PTPRT: variants seen among roughly 807,000 people sequenced by gnomAD.
PTPRT encodes protein tyrosine phosphatase receptor type T.
In PTPRT, 56 loss-of-function variants were observed where a neutral mutation model predicts 176.8. The ratio of observed to expected loss-of-function variants is 0.32; its 90% confidence interval spans 0.26 to 0.40. PTPRT has a LOEUF of 0.40. Ranked by LOEUF, PTPRT falls within the 10% of genes least tolerant of loss-of-function variation. The pLI, the probability that PTPRT is intolerant of heterozygous loss-of-function variation, is 1.00. For synonymous variants in PTPRT, 783 were observed against 739.0 expected (o/e 1.06, Z -0.96); for missense variants, 1,540 against 1,908.2 (o/e 0.81, Z 3.60).
chr20:42,359,784 G>A (rs1407427333), intron 9 of PTPRT, among the ~76,000 whole-genome samples: 4 of 152,342 alleles, frequency 2.6e-5, no homozygotes, highest in South Asian at 4.1e-4. Flanking sequence ...TGGCTGTGCC[G>A]GGGCCTGCCC....
chr20:42,398,476 A>T (rs938692712), intron 9 of PTPRT, among the ~76,000 whole-genome samples: 1 of 152,238 alleles, frequency 6.6e-6, no homozygotes, highest in Non-Finnish European at 1.5e-5. Context: ...GGAGTACTAT[A>T]TCGTCATTAA....
intron 2 of PTPRT, among the ~76,000 whole-genome samples, chr20:42,800,128 G>C (rs1006977738): frequency 1.3e-5 from 2 of 152,188 alleles, no homozygotes; most frequent in Non-Finnish European, 2.9e-5. Flanking sequence ...TCAACCCTAT[G>C]AGGTAGTGAC....
intron 16 of PTPRT, among the ~76,000 whole-genome samples, chr20:42,188,751 G>C (rs1010384451): frequency 6.6e-6 from 1 of 152,102 alleles, no homozygotes; most frequent in Non-Finnish European, 1.5e-5. Flanking sequence ...TATAATTCAA[G>C]ACCACCTGTG....
intron 1 of PTPRT, among the ~76,000 whole-genome samples, chr20:42,889,203 C>T (rs2079151552): frequency 6.6e-6 from 1 of 152,200 alleles, no homozygotes; most frequent in Non-Finnish European, 1.5e-5. Context: ...ACTCACTGAA[C>T]CACCTTGCTT....
At chr20:42,262,941 T>C (rs1427686591) in intron 13 of PTPRT, among the ~76,000 whole-genome samples, 2 of 152,174 alleles carry the variant, frequency 1.3e-5, no homozygotes, top group Non-Finnish European at 2.9e-5. Flanking sequence ...GTAAAGGTTT[T>C]GCAGAGATCA....
chr20:43,145,891 T>C (rs1035606668), intron 1 of PTPRT, among the ~76,000 whole-genome samples: 4 of 152,254 alleles, frequency 2.6e-5, no homozygotes, highest in African/African-American at 9.6e-5. Flanking sequence ...TTCACTGTTT[T>C]CTGTTCCATA....
At position 42,368,280 on chromosome 20, in the gene PTPRT, C is replaced by G. The variant is rs1241352039; in HGVS notation, c.1561-15995G>C. 2.0e-5 allele frequency among the ~76,000 whole-genome samples: 3 copies of G among 152,200 alleles called. No individual in the cohort carries two copies. The East Asian group carries it at 5.8e-4, about 29-fold the overall frequency. ...GAGGAGGCATCTGAGAAGATGACCA[C>G]TGCGTACCCAGCATGGCCATCCCAA... On this transcript the variant is annotated intron_variant, in intron 9 of 30. Coordinates refer to ENST00000373187, the MANE Select transcript of PTPRT (RefSeq NM_007050.6).
intron 6 of PTPRT, among the ~76,000 whole-genome samples, chr20:42,699,456 G>A (rs1488777856): frequency 6.6e-6 from 1 of 151,114 alleles, no homozygotes. Flanking sequence ...TATTTTAATA[G>A]TCAAAAATGT....
At position 43,163,004 on chromosome 20, in the gene PTPRT, G is replaced by A. The variant is rs145312405; in HGVS notation, c.88+26642C>T. Among the ~76,000 whole-genome samples, 176 of 152,322 alleles carry A rather than the reference G, an allele frequency of 1.2e-3. 1 individual carries two copies. The highest frequency in any genetic ancestry group is 0.01 in the Middle Eastern group (3 of 294). ...AGAAATGATCTTTCAGGTATCCCTT[G>A]CTGGTGAATCCACAGTGACCAACCC... is the stretch of plus-strand genomic sequence containing the variant. On this transcript the variant is annotated intron_variant, in intron 1 of 30. Transcript: ENST00000373187.
chr20:42,775,594 G>A (rs1469589588), intron 4 of PTPRT, among the ~76,000 whole-genome samples: 2 of 151,444 alleles, frequency 1.3e-5, no homozygotes, highest in Non-Finnish European at 3.0e-5. Context: ...AAATATAGAT[G>A]AGAGGCTTCC....
At chr20:42,487,489 C>T (rs60286148) in intron 7 of PTPRT, among the ~76,000 whole-genome samples, 1,707 of 152,276 alleles carry the variant, frequency 0.011, 31 homozygotes, top group African/African-American at 0.04. Flanking sequence ...GCAAAAAGAA[C>T]ACTGTGAACG....
chr20:42,245,954 CT>C (rs1226676468), intron 14 of PTPRT, among the ~76,000 whole-genome samples: 1 of 152,178 alleles, frequency 6.6e-6, no homozygotes, highest in Non-Finnish European at 1.5e-5. Flanking sequence ...CCTCTGTGAA[CT>C]TCTGAGTCCA....
At chr20:42,617,376 T>A (rs2074102067) in intron 7 of PTPRT, among the ~76,000 whole-genome samples, 1 of 135,898 alleles carries the variant, frequency 7.4e-6, no homozygotes, top group African/African-American at 3.3e-5. Flanking sequence ...TCAATGTTCA[T>A]CAAGGATATT....
At chr20:42,133,754 T>C (rs1988244976) in intron 18 of PTPRT, among the ~76,000 whole-genome samples, 1 of 152,164 alleles carries the variant, frequency 6.6e-6, no homozygotes, top group South Asian at 2.1e-4. Context: ...ATGCAAGATG[T>C]TAATAATAGG....
intron 1 of PTPRT, among the ~76,000 whole-genome samples, chr20:43,139,772 A>G (rs1240237579): frequency 1.3e-5 from 2 of 152,116 alleles, no homozygotes; most frequent in East Asian, 3.9e-4. Context: ...GGTGTTCCCA[A>G]TGGCTCTGCC....
At chr20:42,795,038 C>G (rs2077433413) in intron 2 of PTPRT, among the ~76,000 whole-genome samples, 2 of 152,086 alleles carry the variant, frequency 1.3e-5, no homozygotes, top group Admixed American at 1.3e-4. Flanking sequence ...CTCTGTGGGG[C>G]CCGCTTTGAT....
chr20:42,521,907 C>G (rs530154541), intron 7 of PTPRT, among the ~76,000 whole-genome samples: 1 of 152,068 alleles, frequency 6.6e-6, no homozygotes, highest in Non-Finnish European at 1.5e-5. Context: ...GAATTATTTT[C>G]TTTTGAGGTC....
At chr20:42,773,041 A>G (rs1331381004) in intron 4 of PTPRT, among the ~76,000 whole-genome samples, 1 of 152,214 alleles carries the variant, frequency 6.6e-6, no homozygotes, top group Non-Finnish European at 1.5e-5. Flanking sequence ...ACAAGCAGCT[A>G]TGCTCCCTTG....
chr20:42,323,526 C>T (rs1036406405), intron 11 of PTPRT, among the ~76,000 whole-genome samples: 25 of 152,012 alleles, frequency 1.6e-4, no homozygotes, highest in African/African-American at 5.1e-4. Context: ...AACCAAACAC[C>T]GCATGTTCTC....
Sources: allele counts gnomAD v4.1 joint callset (sites outside exome capture counted in the v4.1 genomes callset), GRCh38; gene constraint gnomAD v4.1.1; transcripts MANE v1.5; gene names NCBI Gene and HGNC (gene_info 2026-07-23, HGNC 2026-07-21).